Variants in ADARB2 observed in about 807,000 individuals in gnomAD.
The protein encoded by ADARB2 is inactive double-stranded RNA-specific editase B2.
Under a neutral mutation model 62.2 loss-of-function variants are expected in ADARB2, and 25 were observed. The ratio of observed to expected loss-of-function variants is 0.40; its 90% confidence interval spans 0.29 to 0.56. The LOEUF is 0.56. Among genes scored for constraint, ADARB2 ranks in the 20% least tolerant of loss-of-function variants. The pLI, the probability that ADARB2 is intolerant of heterozygous loss-of-function variation, is 0.43. For missense variants in ADARB2, 1,071 were observed against 1,077.4 expected, an observed-to-expected ratio of 0.99 and a Z score of 0.08; for synonymous variants, 572 against 500.8, an observed-to-expected ratio of 1.14 and a Z score of -1.90.
At chr10:1,550,048 C>T (rs1009074820) in intron 1 of ADARB2, among the ~76,000 whole-genome samples, 1 of 152,104 alleles carries the variant, frequency 6.6e-6, no homozygotes, top group African/African-American at 2.4e-5. Flanking sequence ...CACAAAAAGA[C>T]AAACAAAGTC....
chr10:1,625,966 G>A (rs1380008429), intron 1 of ADARB2, among the ~76,000 whole-genome samples: 76 of 91,842 alleles, frequency 8.3e-4, no homozygotes, highest in East Asian at 1.7e-3. Context: ...CTAACCCCAC[G>A]TCTGCCCACG....
In ADARB2 at chr10:1,696,808, G is replaced by A. The variant is rs150425977; in HGVS notation, c.100+40243C>T. Among the ~76,000 whole-genome samples, 1,150 of 152,214 alleles carry A rather than the reference G, an allele frequency of 7.6e-3. 13 individuals carry two copies. Among genetic ancestry groups the A allele is most frequent in the African/African-American group, 0.026 (1,079 of 41,522 alleles). ...GACAAGGTGGATGCAGGTGACCCTT[G>A]GCACTTCTGACCCTGTACTCCCTTC... On this transcript the variant is annotated intron_variant, in intron 1 of 9. Coordinates refer to ENST00000381312, the MANE Select transcript of ADARB2 (RefSeq NM_018702.4).
intron 3 of ADARB2, among the ~76,000 whole-genome samples, chr10:1,282,208 C>T (rs1356681119): frequency 3.3e-5 from 5 of 152,232 alleles, no homozygotes; most frequent in Non-Finnish European, 4.4e-5. Context: ...CCTGTCCTTT[C>T]GAGACCACCT....
At chr10:1,348,563 C>T (rs1224062999) in intron 3 of ADARB2, among the ~76,000 whole-genome samples, 1 of 152,220 alleles carries the variant, frequency 6.6e-6, no homozygotes, top group African/African-American at 2.4e-5. Flanking sequence ...GAGGCCCTCC[C>T]TGCAGCTCTG....
At chr10:1,724,191 A>G (rs75026168) in intron 1 of ADARB2, among the ~76,000 whole-genome samples, 4,777 of 152,272 alleles carry the variant, frequency 0.031, 273 homozygotes, top group African/African-American at 0.11. Flanking sequence ...GATTAAAAGC[A>G]CATGCATGTG....
At chr10:1,506,422 G>A (rs529241908) in intron 1 of ADARB2, among the ~76,000 whole-genome samples, 2 of 152,168 alleles carry the variant, frequency 1.3e-5, no homozygotes, top group South Asian at 2.1e-4. Flanking sequence ...CCCCCACTAC[G>A]GTATTTGCAT....
chr10:1,425,807 C>T (rs557865872), intron 1 of ADARB2, among the ~76,000 whole-genome samples: 3 of 152,310 alleles, frequency 2.0e-5, no homozygotes, highest in Non-Finnish European at 1.5e-5. Flanking sequence ...TTTTAATTGC[C>T]ATGAAGACAT....
At chr10:1,282,671 C>T (rs1831380662) in intron 3 of ADARB2, among the ~76,000 whole-genome samples, 1 of 152,222 alleles carries the variant, frequency 6.6e-6, no homozygotes, top group African/African-American at 2.4e-5. Flanking sequence ...TTCTTCCCCA[C>T]CTGGCACTTG....
At chr10:1,462,508 GA>G (rs1330727726) in intron 1 of ADARB2, among the ~76,000 whole-genome samples, 1 of 152,248 alleles carries the variant, frequency 6.6e-6, no homozygotes. Context: ...GCGTGTGCAT[GA>G]GTGTAGTGTG....
At chr10:1,454,155 G>T (rs377359606) in intron 1 of ADARB2, among the ~76,000 whole-genome samples, 3 of 152,296 alleles carry the variant, frequency 2.0e-5, no homozygotes, top group East Asian at 3.9e-4. Flanking sequence ...GTAGGAGAGC[G>T]TGTGCAGGGG....
chr10:1,348,842 A>C (rs974788933), intron 3 of ADARB2, among the ~76,000 whole-genome samples: 3 of 152,188 alleles, frequency 2.0e-5, no homozygotes, highest in Non-Finnish European at 4.4e-5. Context: ...CCCAGCACCC[A>C]TCCACCTCAG....
chr10:1,544,593 G>A (rs957684813), intron 1 of ADARB2, among the ~76,000 whole-genome samples: 11 of 152,154 alleles, frequency 7.2e-5, no homozygotes, highest in East Asian at 3.8e-4. Context: ...GGATAATGCC[G>A]GGGCCTGGAC....
intron 1 of ADARB2, among the ~76,000 whole-genome samples, chr10:1,395,703 C>T (rs1448955141): frequency 6.6e-6 from 1 of 152,168 alleles, no homozygotes; most frequent in Admixed American, 6.5e-5. Flanking sequence ...GCAGACCATC[C>T]CTATCTGCGT....
intron 6 of ADARB2, among the ~76,000 whole-genome samples, chr10:1,225,241 C>T (rs1018167818): frequency 5.3e-5 from 8 of 152,298 alleles, no homozygotes; most frequent in South Asian, 4.1e-4. Flanking sequence ...ATTGCAACCC[C>T]TGCCTTTTTT....
chr10:1,200,252 A>G (rs1836968171), intron 7 of ADARB2, 105 bp from the exon 8 acceptor site: 1 of 1,464,720 alleles, frequency 6.8e-7, no homozygotes, highest in Non-Finnish European at 9.4e-7. Context: ...CAGTCTTCCC[A>G]TCGTGCGGAC....
At chr10:1,694,221 T>C (rs1263370866) in intron 1 of ADARB2, among the ~76,000 whole-genome samples, 1 of 152,250 alleles carries the variant, frequency 6.6e-6, no homozygotes, top group African/African-American at 2.4e-5. Flanking sequence ...AAGCATTCTC[T>C]ACACAGAAAT....
intron 1 of ADARB2, among the ~76,000 whole-genome samples, chr10:1,657,028 T>TGTGC (rs373475846): frequency 3.3e-5 from 5 of 150,290 alleles, no homozygotes; most frequent in Admixed American, 6.7e-5. Context: ...TGTGTGTGTG[T>TGTGC]GGTGTTTAAC....
At chr10:1,657,761 T>G (rs7093762) in intron 1 of ADARB2, among the ~76,000 whole-genome samples, 1 of 152,174 alleles carries the variant, frequency 6.6e-6, no homozygotes, top group Non-Finnish European at 1.5e-5. Flanking sequence ...CTGGGAGGCA[T>G]GGATGGGATG....
At chr10:1,608,105 C>T (rs1021159642) in intron 1 of ADARB2, among the ~76,000 whole-genome samples, 2 of 152,214 alleles carry the variant, frequency 1.3e-5, no homozygotes, top group Admixed American at 6.5e-5. Flanking sequence ...ATCTATTTAT[C>T]ATCTTGTTCA....
Sources: gnomAD v4.1 joint callset for allele counts (sites outside exome capture counted in the v4.1 genomes callset) on GRCh38, gnomAD v4.1.1 for gene constraint, MANE v1.5 for transcripts, NCBI Gene and HGNC (gene_info 2026-07-23, HGNC 2026-07-21) for gene names.